The following NBAS variants were observed in gnomAD, a reference collection of about 807,000 sequenced individuals.
NBAS encodes the protein NBAS subunit of NRZ tethering complex, also known as NAG/BC035112 fusion.
In NBAS, 219 loss-of-function variants were observed where a neutral mutation model predicts 302.5. The ratio of observed to expected loss-of-function variants is 0.72; its 90% CI spans 0.65 to 0.81. The LOEUF is 0.81. Ranked by LOEUF, NBAS falls within the 30% of genes least tolerant of loss-of-function variation. The probability of loss-of-function intolerance (pLI) is 0.00; values close to 1 mark genes in which losing one functional copy is unlikely to be tolerated. For synonymous variants in NBAS, 1,118 were observed against 1,021.6 expected (o/e 1.09, Z -1.80); for missense variants, 2,932 against 2,841.6 (o/e 1.03, Z -0.72).
At chr2:15,396,052 C>G (rs1675850390) in intron 27 of NBAS, among the ~76,000 whole-genome samples, 1 of 152,054 alleles carries the variant, frequency 6.6e-6, no homozygotes, top group Admixed American at 6.6e-5. Flanking sequence ...GCTGCAGGAA[C>G]TAACATTTCT....
At chr2:15,134,456 C>T in the NBAS span, among the ~76,000 whole-genome samples, 1 of 152,134 alleles carries the variant, frequency 6.6e-6, no homozygotes, top group East Asian at 1.9e-4. Flanking sequence ...CTAAGACTCT[C>T]TCTCTTTCTC....
intron 42 of NBAS, among the ~76,000 whole-genome samples, chr2:15,278,086 C>G (rs1049638511): frequency 6.6e-6 from 1 of 152,146 alleles, no homozygotes; most frequent in Admixed American, 6.6e-5. Flanking sequence ...AAAGCAGCTC[C>G]TCTGAAACAT....
At chr2:14,985,497 T>G in the NBAS span, among the ~76,000 whole-genome samples, 1 of 152,136 alleles carries the variant, frequency 6.6e-6, no homozygotes, top group Non-Finnish European at 1.5e-5. Flanking sequence ...TAAGATAAAG[T>G]CAGACAACTA....
the NBAS span, among the ~76,000 whole-genome samples, chr2:15,138,877 CAAAG>C: frequency 1.3e-5 from 2 of 152,136 alleles, no homozygotes; most frequent in African/African-American, 4.8e-5. Flanking sequence ...CAGTGTGAAA[CAAAG>C]AAGTCAGCTC....
chr2:14,881,384 A>C, the NBAS span, among the ~76,000 whole-genome samples: 1 of 152,190 alleles, frequency 6.6e-6, no homozygotes, highest in Non-Finnish European at 1.5e-5. Context: ...GAAGAAAGGG[A>C]AGGGTTCAAA....
At chr2:15,313,543 A>C (rs529106712) in intron 38 of NBAS, among the ~76,000 whole-genome samples, 8 of 152,260 alleles carry the variant, frequency 5.3e-5, no homozygotes, top group Non-Finnish European at 1.2e-4. Context: ...TGCTATGACA[A>C]ACAATTAATA....
intron 40 of NBAS, among the ~76,000 whole-genome samples, chr2:15,295,795 A>G (rs1168155021): frequency 2.6e-5 from 4 of 152,180 alleles, no homozygotes; most frequent in Non-Finnish European, 5.9e-5. Context: ...CTGGCTTTGA[A>G]GTCTGTAGTA....
intron 48 of NBAS, among the ~76,000 whole-genome samples, chr2:15,213,904 C>A (rs566686925): frequency 2.6e-5 from 4 of 152,178 alleles, no homozygotes; most frequent in Non-Finnish European, 5.9e-5. Context: ...GGAGCTATAT[C>A]CAAACATTTC....
In NBAS at chr2:15,368,191, C is replaced by CTTT. The variant is rs1197291033; in HGVS notation, c.3704-1501_3704-1499dup. Among the ~76,000 whole-genome samples the CTTT allele has an allele frequency of 5.5e-4, 47 of 84,834 alleles. 2 individuals carry two copies. The highest frequency in any genetic ancestry group is 9.4e-4 in the African/African-American group (17 of 18,040). The allele number at this position is 84,834 out of a possible 152,430, so 55.7% of individuals were successfully genotyped here. The stretch of plus-strand genomic sequence containing the variant: ...CAGTGTGTGTTTCCTAATGTTTTGA[C>CTTT]TTTTTTTTTTTTTTTTTTTTTTTTT... On this transcript the variant is annotated intron_variant, in intron 31 of 51. Coordinates refer to ENST00000281513, the MANE Select transcript of NBAS (RefSeq NM_015909.4).
At chr2:14,878,246 C>T in the NBAS span, among the ~76,000 whole-genome samples, 1 of 152,146 alleles carries the variant, frequency 6.6e-6, no homozygotes, top group East Asian at 1.9e-4. Flanking sequence ...GGGGAATGTT[C>T]TCAAGAGCAC....
At chr2:15,191,015 TG>T (rs2125141472) in intron 48 of NBAS, among the ~76,000 whole-genome samples, 1 of 152,310 alleles carries the variant, frequency 6.6e-6, no homozygotes, top group Admixed American at 6.5e-5. Flanking sequence ...TCTTTTACAT[TG>T]AGGCAGTCCT....
At position 15,195,026 on chromosome 2, in the gene NBAS, A is replaced by G. The variant is rs13423620; in HGVS notation, c.6433-4623T>C. The stretch of plus-strand genomic sequence containing the variant: ...AGGAATGTCATAGGATACAAGATCA[A>G]CATATAAAAATCAATCACATTGTTA... On this transcript the variant is annotated intron_variant, in intron 48 of 51. Coordinates refer to ENST00000281513, the MANE Select transcript of NBAS (RefSeq NM_015909.4). Among the ~76,000 whole-genome samples the G allele has an allele frequency of 7.3e-3, 1,117 of 152,338 alleles. 15 individuals are homozygous for G. Among genetic ancestry groups the G allele is most frequent in the African/African-American group, 0.026 (1,074 of 41,582 alleles).
At chr2:15,000,781 C>T in the NBAS span, among the ~76,000 whole-genome samples, 8 of 152,162 alleles carry the variant, frequency 5.3e-5, no homozygotes, top group Non-Finnish European at 1.2e-4. Context: ...TGGGATGGCT[C>T]AAGCCCAATG....
the NBAS span, among the ~76,000 whole-genome samples, chr2:15,052,643 C>T: frequency 6.6e-6 from 1 of 152,196 alleles, no homozygotes; most frequent in Non-Finnish European, 1.5e-5. Flanking sequence ...AGCACCTAAT[C>T]CAGCTAAGAC....
At chr2:14,874,071 A>G in the NBAS span, among the ~76,000 whole-genome samples, 1 of 152,190 alleles carries the variant, frequency 6.6e-6, no homozygotes, top group African/African-American at 2.4e-5. Context: ...CAGGAGAAAA[A>G]GCAAAGACAC....
the NBAS span, among the ~76,000 whole-genome samples, chr2:14,833,491 T>C: frequency 6.6e-6 from 1 of 152,086 alleles, no homozygotes; most frequent in African/African-American, 2.4e-5. Context: ...ATATGTTAGG[T>C]AAAGTATCTG....
the NBAS span, among the ~76,000 whole-genome samples, chr2:15,137,839 G>A: frequency 1.3e-5 from 2 of 152,148 alleles, no homozygotes. Context: ...GCAATGGAGC[G>A]ATCATAGCTC....
intron 51 of NBAS, among the ~76,000 whole-genome samples, chr2:15,175,846 C>T (rs1009611598): frequency 6.6e-6 from 1 of 152,210 alleles, no homozygotes; most frequent in Non-Finnish European, 1.5e-5. Context: ...TAACTGTAAA[C>T]ACCTATAAAG....
At chr2:15,132,288 T>C in the NBAS span, among the ~76,000 whole-genome samples, 832 of 152,294 alleles carry the variant, frequency 5.5e-3, 6 homozygotes, top group African/African-American at 0.013. Flanking sequence ...ATGGAGGACA[T>C]TTATGTACAT....
Sources: allele counts gnomAD v4.1 joint callset (sites outside exome capture counted in the v4.1 genomes callset), GRCh38; gene constraint gnomAD v4.1.1; transcripts MANE v1.5; gene names NCBI Gene and HGNC (gene_info 2026-07-23, HGNC 2026-07-21).